Variants in LRRC7 observed in about 807,000 individuals in gnomAD.
LRRC7 encodes the protein leucine rich repeat containing 7.
In LRRC7, 23 loss-of-function variants were observed where a neutral mutation model predicts 175.7. The observed-to-expected ratio is 0.13, with a 90% CI of 0.09 to 0.19. The LOEUF is 0.19. Ranked by LOEUF, LRRC7 falls within the 10% of genes least tolerant of loss-of-function variation. LRRC7 has a pLI of 1.00. For missense variants in LRRC7, 1,354 were observed against 1,904.7 expected (o/e 0.71, Z 5.38); for synonymous variants, 685 against 680.9 (o/e 1.01, Z -0.09).
intron 2 of LRRC7, among the ~76,000 whole-genome samples, chr1:69,708,036 T>C (rs1245122349): frequency 1.3e-5 from 2 of 152,164 alleles, no homozygotes; most frequent in Admixed American, 6.6e-5. Context: ...AGATCAGTCA[T>C]GTTCAGTAAA....
intron 1 of LRRC7, among the ~76,000 whole-genome samples, chr1:69,571,714 C>A (rs772982428): frequency 2.6e-5 from 4 of 152,042 alleles, no homozygotes; most frequent in Admixed American, 6.6e-5. Flanking sequence ...ATTTTATTTG[C>A]TGAATGACTG....
At chr1:69,751,532 T>C (rs1341652527) in intron 2 of LRRC7, among the ~76,000 whole-genome samples, 2 of 152,122 alleles carry the variant, frequency 1.3e-5, no homozygotes, top group Admixed American at 1.3e-4. Context: ...AATTAAAGTA[T>C]AATCAAAACA....
intron 1 of LRRC7, among the ~76,000 whole-genome samples, chr1:69,575,913 A>G (rs535108427): frequency 6.6e-6 from 1 of 152,266 alleles, no homozygotes; most frequent in South Asian, 2.1e-4. Context: ...TGGAATTTGT[A>G]AAACAGACTC....
intron 4 of LRRC7, among the ~76,000 whole-genome samples, chr1:69,807,183 G>C (rs2101120558): frequency 6.6e-6 from 1 of 152,070 alleles, no homozygotes; most frequent in Middle Eastern, 3.4e-3. Flanking sequence ...TTGAGCTTAT[G>C]TGTGTCTTTG....
At chr1:69,781,183 A>C (rs1425155833) in intron 3 of LRRC7, among the ~76,000 whole-genome samples, 1 of 152,022 alleles carries the variant, frequency 6.6e-6, no homozygotes, top group African/African-American at 2.4e-5. Context: ...TATTTACTCT[A>C]AGCTCCTCTC....
intron 7 of LRRC7, among the ~76,000 whole-genome samples, chr1:69,912,321 T>G (rs1646556477): frequency 6.6e-6 from 1 of 152,190 alleles, no homozygotes; most frequent in Non-Finnish European, 1.5e-5. Flanking sequence ...AAAGAAACTT[T>G]GTGGTGGTGG....
At chr1:69,581,914 G>A (rs1433822379) in intron 1 of LRRC7, among the ~76,000 whole-genome samples, 1 of 152,136 alleles carries the variant, frequency 6.6e-6, no homozygotes. Context: ...GTAAACCATT[G>A]ATAGTGTTTG....
chr1:69,724,811 T>G (rs1186338153), intron 2 of LRRC7, among the ~76,000 whole-genome samples: 3 of 152,186 alleles, frequency 2.0e-5, no homozygotes, highest in African/African-American at 4.8e-5. Context: ...AATAAAATCA[T>G]TTCACTGTAC....
At chr1:69,919,852 C>T in intron 7 of LRRC7, 2 of 677,670 alleles carry the variant, frequency 3.0e-6, no homozygotes, top group African/African-American at 1.8e-5. Flanking sequence ...GATTGGGGGC[C>T]CAGGCCTGGC....
intron 1 of LRRC7, among the ~76,000 whole-genome samples, chr1:69,577,886 C>A (rs1557659700): frequency 6.6e-6 from 1 of 152,044 alleles, no homozygotes; most frequent in Non-Finnish European, 1.5e-5. Flanking sequence ...TCCATATGAA[C>A]TTTAAAGTAG....
At chr1:69,633,799 A>G (rs1652890315) in intron 1 of LRRC7, among the ~76,000 whole-genome samples, 1 of 152,174 alleles carries the variant, frequency 6.6e-6, no homozygotes, top group Non-Finnish European at 1.5e-5. Flanking sequence ...TTTTTAATCT[A>G]GGGCCTGCCA....
chr1:70,100,128 A>C (rs1372024054), intron 25 of LRRC7, among the ~76,000 whole-genome samples: 2 of 152,172 alleles, frequency 1.3e-5, no homozygotes, highest in Non-Finnish European at 2.9e-5. Context: ...TAGAAATACT[A>C]AGCAATTAAT....
intron 1 of LRRC7, among the ~76,000 whole-genome samples, chr1:69,660,224 T>C (rs1203638417): frequency 6.6e-6 from 1 of 151,998 alleles, no homozygotes; most frequent in Non-Finnish European, 1.5e-5. Flanking sequence ...TACATAATGA[T>C]AAAAGGTTCA....
At position 70,134,935 on chromosome 1, in the gene LRRC7, T is replaced by G. The variant is rs1435544411; in HGVS notation, c.*13048T>G. ...TTTGAGTTTTTGATTTGCCTGATGT[T>G]CTATTTCATCTTTTTTATTCCTTCT... On this transcript the variant is annotated 3_prime_UTR_variant, in exon 27 of 27. Transcript: ENST00000651989. Among the ~76,000 whole-genome samples, 1 of 152,244 alleles carries G rather than the reference T, an allele frequency of 6.6e-6. No homozygotes were observed.
chr1:70,018,485 A>T (rs1251551633), intron 14 of LRRC7, among the ~76,000 whole-genome samples: 1 of 152,090 alleles, frequency 6.6e-6, no homozygotes, highest in African/African-American at 2.4e-5. Context: ...CCAGTTGAAT[A>T]GGTTTTGATA....
At chr1:69,887,645 G>T (rs1196460142) in intron 7 of LRRC7, among the ~76,000 whole-genome samples, 1 of 152,138 alleles carries the variant, frequency 6.6e-6, no homozygotes, top group East Asian at 1.9e-4. Flanking sequence ...GTCCAGCTTT[G>T]TTCCGTTGCT....
chr1:69,947,207 C>T (rs1440559964), intron 8 of LRRC7, among the ~76,000 whole-genome samples: 1 of 151,980 alleles, frequency 6.6e-6, no homozygotes, highest in African/African-American at 2.4e-5. Context: ...TATATCTATT[C>T]AGTAACACTG....
intron 25 of LRRC7, among the ~76,000 whole-genome samples, chr1:70,100,825 T>A (rs993137884): frequency 2.0e-5 from 3 of 152,122 alleles, no homozygotes; most frequent in African/African-American, 7.2e-5. Flanking sequence ...TCTTAACTTC[T>A]AATTGCCATA....
chr1:69,624,317 A>G (rs116440652), intron 1 of LRRC7, among the ~76,000 whole-genome samples: 2,547 of 152,252 alleles, frequency 0.017, 66 homozygotes, highest in African/African-American at 0.058. Context: ...CCATTTGTAT[A>G]TGTTCATTTA....
Sources: allele counts gnomAD v4.1 joint callset (sites outside exome capture counted in the v4.1 genomes callset), GRCh38; gene constraint gnomAD v4.1.1; transcripts MANE v1.5; gene names NCBI Gene and HGNC (gene_info 2026-07-23, HGNC 2026-07-21).